Variants in PEA15 observed in about 807,000 individuals in gnomAD.
PEA15 encodes the protein proliferation and apoptosis adaptor protein 15.
For synonymous variants in PEA15, 60 were observed against 61.8 expected, an observed-to-expected ratio of 0.97 and a Z score of 0.13; for missense variants, 77 against 161.3, an observed-to-expected ratio of 0.48 and a Z score of 2.83.
rs1654712595 is a variant in PEA15 at position 160,208,668 on chromosome 1, A to G, written c.-2-2875A>G. The G allele has an allele frequency of 8.4e-6, 13 of 1,549,698 alleles. No individual in the cohort carries two copies. Among genetic ancestry groups the G allele is most frequent in the South Asian group, 3.6e-5 (3 of 84,054 alleles). The stretch of plus-strand genomic sequence containing the variant: ...ATGGCCAGGCCAGACCAGCCCAGGT[A>G]CAACTGTTGATCAGTGAGAATTGAG... On this transcript the variant is annotated intron_variant, in intron 1 of 3. Coordinates refer to ENST00000360472, the MANE Select transcript of PEA15 (RefSeq NM_003768.5). The surrounding 1 kb of genome is among the most constrained non-coding windows in gnomAD (Gnocchi z 4.1).
chr1:160,211,218 A>C, intron 1 of PEA15: 1 of 870,592 alleles, frequency 1.1e-6, no homozygotes, highest in Non-Finnish European at 1.4e-6. Context: ...AGTCGGGAGC[A>C]GGTTGCTATG....
rs1419294636 is a variant in PEA15 at position 160,214,896 on chromosome 1, A to C, written c.*1410A>C. On this transcript the variant is annotated 3_prime_UTR_variant, in exon 4 of 4. Coordinates refer to ENST00000360472, the MANE Select transcript of PEA15 (RefSeq NM_003768.5). ...AGGGCTGGCTGCTGGAAGAAGGAAG[A>C]AGCCAGACTGGTTAGACAGTACTCT... 1.3e-5 allele frequency: 2 copies of C among 152,686 alleles called. No homozygotes were observed. The highest frequency in any genetic ancestry group is 2.9e-5 in the Non-Finnish European group (2 of 68,074). 9.5% of individuals were successfully genotyped at this position (152,686 alleles called of 1,614,324 possible). A position where few individuals can be genotyped will look rare whatever the true frequency, so the allele number is the denominator to read the frequency against.
chr1:160,208,484 C>A lies in PEA15; in HGVS notation c.-3+2962C>A. The A allele has an allele frequency of 1.1e-6, 1 of 886,188 alleles. No individual in the cohort carries two copies. Among genetic ancestry groups the A allele is most frequent in the Non-Finnish European group, 1.8e-6 (1 of 560,422 alleles). 54.9% of individuals were successfully genotyped at this position (886,188 alleles called of 1,614,324 possible). Reference sequence around the variant, plus strand: ...CCAAGAATGGCCTCCGCCCAGACTGCCTGGTGATCCCTGAGCAGCTCTCTG... The same window carrying A: ...CCAAGAATGGCCTCCGCCCAGACTGACTGGTGATCCCTGAGCAGCTCTCTG... On this transcript the variant is annotated intron_variant, in intron 1 of 3. Transcript: ENST00000360472. The surrounding 1 kb of genome is among the most constrained non-coding windows in gnomAD (Gnocchi z 4.1).
chr1:160,211,303 G>C (rs924367247), intron 1 of PEA15: 5 of 1,198,204 alleles, frequency 4.2e-6, no homozygotes, highest in East Asian at 3.7e-5. Flanking sequence ...AAAAGATGGT[G>C]GGGGGAAGGA....
In PEA15 at chr1:160,208,408, C is replaced by A. The variant is rs1299648930; in HGVS notation, c.-3+2886C>A. 1.7e-6 allele frequency: 1 copy of A among 586,264 alleles called. No individual in the cohort carries two copies. The allele number at this position is 586,264 out of a possible 1,614,324, so 36.3% of individuals were successfully genotyped here. On this transcript the variant is annotated intron_variant, in intron 1 of 3. Transcript: ENST00000360472. This position sits in a 1 kb window ranked among gnomAD's most constrained non-coding sequence, Gnocchi z 4.1. Reference sequence around the variant, plus strand: ...GAAAGCTGGGAGGGAAGAGGACTGACTTCCTGGCAGCCGGGGCTCCGGTTC... The same window carrying A: ...GAAAGCTGGGAGGGAAGAGGACTGAATTCCTGGCAGCCGGGGCTCCGGTTC...
chr1:160,209,556 C>CT (rs1322987085), intron 1 of PEA15, among the ~76,000 whole-genome samples: 1 of 152,150 alleles, frequency 6.6e-6, no homozygotes, highest in Non-Finnish European at 1.5e-5. Context: ...CAGATGCACT[C>CT]TTTCCTCCCG....
At chr1:160,211,850 A>G in intron 2 of PEA15, 134 bp downstream of exon 2, 1 of 753,436 alleles carries the variant, frequency 1.3e-6, no homozygotes, top group East Asian at 2.8e-5. Context: ...AGGTGCTCTA[A>G]GAGTATGGGG....
chr1:160,207,465 A>T (rs1329170004), intron 1 of PEA15, among the ~76,000 whole-genome samples: 2 of 152,108 alleles, frequency 1.3e-5, no homozygotes, highest in Non-Finnish European at 2.9e-5. Flanking sequence ...GCTCTGCCTG[A>T]TCCAGTGCCA....
In PEA15 at chr1:160,213,503, G is replaced by C; in HGVS notation, c.*17G>C. 1 of 1,612,622 alleles carries C rather than the reference G, an allele frequency of 6.2e-7. No homozygotes were observed. Among genetic ancestry groups the C allele is most frequent in the Admixed American group, 1.7e-5 (1 of 60,020 alleles). ...AAGGCCTGAGCAAGGGGGAGGAAGAGGAGGAAGGTTGGACCTTCATCAGAC... is the reference window on the plus strand; with the variant it reads ...AAGGCCTGAGCAAGGGGGAGGAAGACGAGGAAGGTTGGACCTTCATCAGAC... On this transcript the variant is annotated 3_prime_UTR_variant, in exon 4 of 4. Coordinates refer to ENST00000360472, the MANE Select transcript of PEA15 (RefSeq NM_003768.5). This position sits in a 1 kb window ranked among gnomAD's most constrained non-coding sequence, Gnocchi z 5.3.
chr1:160,208,797 A>G lies in PEA15; in HGVS notation c.-2-2746A>G, dbSNP rs1479240390. 4 of 726,616 alleles carry G rather than the reference A, an allele frequency of 5.5e-6. No homozygotes were observed. Among genetic ancestry groups the G allele is most frequent in the Non-Finnish European group, 7.1e-6 (3 of 422,042 alleles). 45.0% of individuals were successfully genotyped at this position (726,616 alleles called of 1,614,324 possible). A position where few individuals can be genotyped will look rare whatever the true frequency, so the allele number is the denominator to read the frequency against. Reference sequence around the variant, plus strand: ...AGGCAACTGGGCTGCCTTTCCTTGTACCGTCAGGGGGCCTTATTCCTATCC... The same window carrying G: ...AGGCAACTGGGCTGCCTTTCCTTGTGCCGTCAGGGGGCCTTATTCCTATCC... On this transcript the variant is annotated intron_variant, in intron 1 of 3. Transcript: ENST00000360472. The surrounding 1 kb of genome is among the most constrained non-coding windows in gnomAD (Gnocchi z 4.1).
chr1:160,212,271 T>G (rs1654904028), intron 2 of PEA15, among the ~76,000 whole-genome samples: 1 of 151,634 alleles, frequency 6.6e-6, no homozygotes, highest in Non-Finnish European at 1.5e-5. Flanking sequence ...TAAGGCAAGA[T>G]CCAAAGGAGG....
rs781565735 is a variant in PEA15 at position 160,213,070 on chromosome 1, C to G, written c.173-40C>G. The G allele has an allele frequency of 6.2e-7, 1 of 1,610,972 alleles. No homozygotes were observed. The highest frequency in any genetic ancestry group is 8.5e-7 in the Non-Finnish European group (1 of 1,177,752). ...CTGGTGGAGTAGGGGAAGCTGACCT[C>G]TACAGCCTAGCTCTGACCCTATCTC... On this transcript the variant is annotated intron_variant, in intron 2 of 3. Coordinates refer to ENST00000360472, the MANE Select transcript of PEA15 (RefSeq NM_003768.5). The surrounding 1 kb of genome is among the most constrained non-coding windows in gnomAD (Gnocchi z 5.3).
intron 1 of PEA15, chr1:160,211,335 C>T (rs1465947597): frequency 1.6e-6 from 2 of 1,267,600 alleles, no homozygotes; most frequent in East Asian, 6.3e-5. Context: ...TCACTCTAGG[C>T]TCCAGCCTGG....
At chr1:160,212,356 C>T (rs1162894313) in intron 2 of PEA15, among the ~76,000 whole-genome samples, 2 of 151,934 alleles carry the variant, frequency 1.3e-5, no homozygotes, top group African/African-American at 4.8e-5. Flanking sequence ...CTTGGCTTGA[C>T]TAGGATGTAG....
chr1:160,211,341 C>A, intron 1 of PEA15: 1 of 1,269,714 alleles, frequency 7.9e-7, no homozygotes. Context: ...TAGGCTCCAG[C>A]CTGGCTCCTA....
chr1:160,211,358 C>A, intron 1 of PEA15, 185 bp from the exon 2 acceptor site: 1 of 1,292,882 alleles, frequency 7.7e-7, no homozygotes, highest in Admixed American at 3.7e-5. Context: ...CCTAGCTTCC[C>A]GTCTACCCTG....
At position 160,208,304 on chromosome 1, in the gene PEA15, G is replaced by C. The variant is rs1654691655; in HGVS notation, c.-3+2782G>C. On this transcript the variant is annotated intron_variant, in intron 1 of 3. Coordinates refer to ENST00000360472, the MANE Select transcript of PEA15 (RefSeq NM_003768.5). This position sits in a 1 kb window ranked among gnomAD's most constrained non-coding sequence, Gnocchi z 4.1. The stretch of plus-strand genomic sequence containing the variant: ...TCCTCAGTTGGTTTGACCTTTGTCA[G>C]GGCTGTGCCTGGGGCCAGCTTGGAA... The C allele has an allele frequency of 1.4e-5, 6 of 423,144 alleles. No homozygotes were observed. The East Asian group carries it at 2.7e-4, about 19-fold the overall frequency. 26.2% of individuals were successfully genotyped at this position (423,144 alleles called of 1,614,324 possible).
At chr1:160,212,078 T>A (rs895112655) in intron 2 of PEA15, among the ~76,000 whole-genome samples, 3 of 152,198 alleles carry the variant, frequency 2.0e-5, no homozygotes, top group African/African-American at 7.2e-5. Flanking sequence ...GTAATACTAA[T>A]CTTTGTTAAG....
At chr1:160,211,464 A>T in intron 1 of PEA15, 79 bp from the exon 2 acceptor site, 1 of 1,452,196 alleles carries the variant, frequency 6.9e-7, no homozygotes, top group Non-Finnish European at 9.3e-7. Context: ...AGTGGGGAGT[A>T]GGAGGGTAGT....
Sources: allele counts gnomAD v4.1 joint callset (sites outside exome capture counted in the v4.1 genomes callset), GRCh38; gene constraint gnomAD v4.1.1; non-coding constraint Gnocchi (gnomAD v3.1); transcripts MANE v1.5; gene names NCBI Gene and HGNC (gene_info 2026-07-23, HGNC 2026-07-21).